The following LRRC17 variants were observed in gnomAD, a reference collection of about 807,000 sequenced individuals.
LRRC17 encodes leucine rich repeat containing 17, also known as leucine-rich repeat-containing protein 17.
A neutral mutation model predicts 41.5 loss-of-function variants in LRRC17; 33 were observed. The ratio of observed to expected loss-of-function variants is 0.80; its 90% CI spans 0.60 to 1.06. The LOEUF is 1.06. Ranked by LOEUF, LRRC17 falls within the 50% of genes least tolerant of loss-of-function variation. The pLI is 0.00. For missense variants in LRRC17, 491 were observed against 519.3 expected, an observed-to-expected ratio of 0.95 and a Z score of 0.53; for synonymous variants, 192 against 197.0, an observed-to-expected ratio of 0.97 and a Z score of 0.21.
chr7:102,935,562 G>A (rs372423594), intron 2 of LRRC17, among the ~76,000 whole-genome samples: 62 of 152,190 alleles, frequency 4.1e-4, no homozygotes, highest in African/African-American at 1.4e-3. Flanking sequence ...TTTTGCAACC[G>A]ATGCAATCTT....
At chr7:102,941,747 CAA>C (rs111478330) in intron 3 of LRRC17, among the ~76,000 whole-genome samples, 8 of 131,286 alleles carry the variant, frequency 6.1e-5, no homozygotes, top group Admixed American at 7.6e-5. Context: ...AAAGCTGTCT[CAA>C]AAAAAAAAAA....
rs1563130169 is a variant in LRRC17 at position 102,944,347 on chromosome 7, T to A, written c.1066T>A (p.Tyr356Asn). 1 of 1,614,124 alleles carries A rather than the reference T, an allele frequency of 6.2e-7. No homozygotes were observed. Among genetic ancestry groups the A allele is most frequent in the South Asian group, 1.1e-5 (1 of 91,082 alleles). Reference protein sequence around the residue: ...WLRDNPWRCDYNIHYLYYWLK... With the variant: ...WLRDNPWRCDNNIHYLYYWLK... ...CAGAGATAACCCTTGGAGATGTGAC[T>A]ACAACATTCACTACCTCTACTACTG... Residue 356 changes from tyrosine to asparagine, a missense_variant, in exon 4 of 4, where the codon TAC becomes AAC. Tyr to Asn is a moderately radical substitution (Grantham distance 143). Transcript: ENST00000339431.
chr7:102,934,029 G>A lies in LRRC17; in HGVS notation c.116G>A (p.Arg39Gln), dbSNP rs141714405. ...AATCATGGCCGGGCGGGTGGAGGCC[G>A]GAGAGGCTCCAACCCGGTCAAACGC... ...RVNHGRAGGG[R>Q]RGSNPVKRYA... The change falls in exon 2 of 4, where the codon CGG becomes CAG. Residue 39 changes from arginine to glutamine, a missense_variant. Arg to Gln is a conservative substitution (Grantham distance 43, BLOSUM62 1). Transcript: ENST00000339431. The A allele has an allele frequency of 1.5e-5, 25 of 1,614,070 alleles. No homozygotes were observed. The highest frequency in any genetic ancestry group is 1.5e-4 in the African/African-American group (11 of 75,056).
intron 1 of LRRC17, among the ~76,000 whole-genome samples, chr7:102,917,583 A>G (rs1241983410): frequency 6.6e-6 from 1 of 152,210 alleles, no homozygotes; most frequent in Non-Finnish European, 1.5e-5. Flanking sequence ...GCTATAGAGA[A>G]TGTGAAGCAT....
intron 3 of LRRC17, among the ~76,000 whole-genome samples, chr7:102,943,567 T>C (rs1821887761): frequency 6.6e-6 from 1 of 152,148 alleles, no homozygotes; most frequent in South Asian, 2.1e-4. Context: ...TGACTAAGCA[T>C]TAAACCAGAA....
intron 1 of LRRC17, among the ~76,000 whole-genome samples, chr7:102,925,742 G>A (rs1350383269): frequency 1.3e-5 from 2 of 152,098 alleles, no homozygotes; most frequent in Non-Finnish European, 2.9e-5. Context: ...AGGAGTTTGA[G>A]ACCAGCCTGA....
intron 3 of LRRC17, chr7:102,942,345 A>T (rs370294203): frequency 1.4e-5 from 22 of 1,574,416 alleles, no homozygotes; most frequent in Admixed American, 1.9e-5. Context: ...TTGCTGTGGT[A>T]AGTATACAAA....
At chr7:102,930,827 G>C (rs1450715092) in intron 1 of LRRC17, among the ~76,000 whole-genome samples, 1 of 152,080 alleles carries the variant, frequency 6.6e-6, no homozygotes, top group African/African-American at 2.4e-5. Context: ...AACCCAAGAT[G>C]GAATCTCAAT....
At chr7:102,932,194 C>G (rs1288958651) in intron 1 of LRRC17, among the ~76,000 whole-genome samples, 1 of 152,130 alleles carries the variant, frequency 6.6e-6, no homozygotes, top group East Asian at 1.9e-4. Flanking sequence ...GGGAAAAACA[C>G]TATATACTTA....
At chr7:102,928,149 A>G (rs1006482627) in intron 1 of LRRC17, among the ~76,000 whole-genome samples, 2 of 152,202 alleles carry the variant, frequency 1.3e-5, no homozygotes, top group Non-Finnish European at 2.9e-5. Flanking sequence ...GGACATCCAA[A>G]CAAAATTAGA....
rs71572208 is a variant in LRRC17 at position 102,935,252 on chromosome 7, T to C, written c.772+567T>C. Among the ~76,000 whole-genome samples the C allele has an allele frequency of 2.3e-3, 297 of 126,470 alleles. 2 individuals carry two copies. The highest frequency in any genetic ancestry group is 4.2e-3 in the Non-Finnish European group (252 of 59,684). The allele number at this position is 126,470 out of a possible 152,430, so 83.0% of individuals were successfully genotyped here. A position where few individuals can be genotyped will look rare whatever the true frequency, so the allele number is the denominator to read the frequency against. On this transcript the variant is annotated intron_variant, in intron 2 of 3. Coordinates refer to ENST00000339431, the MANE Select transcript of LRRC17 (RefSeq NM_001031692.3). The stretch of plus-strand genomic sequence containing the variant: ...TTTTTTTTTTTCTTTCTTTTTTTTT[T>C]TTTTTTTTTTTTTTTTTGAGATGGA...
chr7:102,924,057 T>C (rs1032568750), intron 1 of LRRC17, among the ~76,000 whole-genome samples: 97 of 151,832 alleles, frequency 6.4e-4, no homozygotes, highest in African/African-American at 2.2e-3. Flanking sequence ...CCGACCAACA[T>C]AGAGAAACCC....
intron 1 of LRRC17, among the ~76,000 whole-genome samples, chr7:102,918,917 T>C (rs1008940461): frequency 2.0e-5 from 3 of 152,184 alleles, no homozygotes; most frequent in African/African-American, 7.2e-5. Flanking sequence ...TACACACATA[T>C]ACACACACAC....
intron 1 of LRRC17, among the ~76,000 whole-genome samples, chr7:102,914,314 C>G (rs1388349100): frequency 6.6e-6 from 1 of 152,208 alleles, no homozygotes; most frequent in Non-Finnish European, 1.5e-5. Flanking sequence ...CTCAGGTGAT[C>G]CACCCGCCTT....
rs74843645 is a variant in LRRC17, at chr7:102,942,674, G to A, written c.929-1536G>A. On this transcript the variant is annotated intron_variant, in intron 3 of 3. Coordinates refer to ENST00000339431, the MANE Select transcript of LRRC17 (RefSeq NM_001031692.3). ...AAAATCCAGTATCTTCAGAACACAAGGGCTGATCTTTTGTCCCCTACCCGC... is the reference window on the plus strand; with the variant it reads ...AAAATCCAGTATCTTCAGAACACAAAGGCTGATCTTTTGTCCCCTACCCGC... Among the ~76,000 whole-genome samples, 766 of 152,188 alleles carry A rather than the reference G, an allele frequency of 5.0e-3. 14 individuals carry two copies. The highest frequency in any genetic ancestry group is 0.035 in the Admixed American group (530 of 15,292).
Position 102,934,405 on chromosome 7 carries a change from CT to C in LRRC17, c.493del (p.Trp165GlyfsTer7), listed in dbSNP as rs776430132. 1.2e-6 allele frequency: 2 copies of C among 1,614,078 alleles called. No homozygotes were observed. The highest frequency in any genetic ancestry group is 1.7e-6 in the Non-Finnish European group (2 of 1,180,038). ...GCTACCTGCGTCTTTATGACAACCC[CT>C]GGCACTGTACTTGTGAGATAGAAAC... ...LSYLRLYDNP[W>X]HCTCEIETLI... On this transcript the variant is annotated frameshift_variant, in exon 2 of 4. Coordinates refer to ENST00000339431, the MANE Select transcript of LRRC17 (RefSeq NM_001031692.3). LOFTEE classifies it high-confidence loss of function.
intron 3 of LRRC17, chr7:102,942,138 G>T: frequency 9.6e-6 from 5 of 522,922 alleles, no homozygotes; most frequent in East Asian, 9.4e-5. Context: ...TCTCAGGAAC[G>T]TATTTCCTAC....
At chr7:102,921,593 T>C (rs1303622051) in intron 1 of LRRC17, among the ~76,000 whole-genome samples, 1 of 151,748 alleles carries the variant, frequency 6.6e-6, no homozygotes, top group Non-Finnish European at 1.5e-5. Flanking sequence ...GGCAGGAAAA[T>C]TGCTTGAACC....
In LRRC17 at chr7:102,934,087, A is replaced by G. The variant is rs769798303; in HGVS notation, c.174A>G (p.Thr58=). The change falls in exon 2 of 4, where the codon ACA becomes ACG. Residue 58 remains threonine, a synonymous_variant. Coordinates refer to ENST00000339431, the MANE Select transcript of LRRC17 (RefSeq NM_001031692.3). The stretch of plus-strand genomic sequence containing the variant: ...CAGGCCTCCCGTGTGACGTGTACAC[A>G]TATCTCCATGAGAAATACTTAGATT... ...YAPGLPCDVY[T]YLHEKYLDCQ... The G allele has an allele frequency of 1.2e-6, 2 of 1,614,238 alleles. No individual in the cohort carries two copies. The highest frequency in any genetic ancestry group is 1.3e-5 in the African/African-American group (1 of 75,070).
Sources: allele counts gnomAD v4.1 joint callset (sites outside exome capture counted in the v4.1 genomes callset), GRCh38; gene constraint gnomAD v4.1.1; transcripts MANE v1.5; gene names NCBI Gene and HGNC (gene_info 2026-07-23, HGNC 2026-07-21).